Variants in PCDHA4 observed in about 807,000 individuals in gnomAD.
PCDHA4 encodes protocadherin alpha 4.
Under a neutral mutation model 61.4 loss-of-function variants are expected in PCDHA4, and 49 were observed. The observed-to-expected ratio is 0.80, with a 90% CI of 0.63 to 1.01. The LOEUF is 1.01. Ranked by LOEUF, PCDHA4 falls within the 50% of genes least tolerant of loss-of-function variation. The pLI is 0.00. For synonymous variants in PCDHA4, 590 were observed against 550.3 expected, an observed-to-expected ratio of 1.07 and a Z score of -1.01; for missense variants, 1,254 against 1,235.8, an observed-to-expected ratio of 1.01 and a Z score of -0.22.
At chr5:140,842,303 C>T (rs1554138957) in intron 1 of PCDHA4, 2 of 1,608,454 alleles carry the variant, frequency 1.2e-6, no homozygotes, top group Non-Finnish European at 1.7e-6. Context: ...CAAAGGCCAT[C>T]CTCCCATGGC....
intron 1 of PCDHA4, chr5:140,875,357 C>G (rs1173514822): frequency 6.9e-7 from 1 of 1,446,594 alleles, no homozygotes; most frequent in Non-Finnish European, 9.1e-7. Flanking sequence ...GACTGTGATG[C>G]TGGAAAAAAT....
At chr5:140,909,484 G>A (rs981292788) in intron 1 of PCDHA4, among the ~76,000 whole-genome samples, 1 of 152,180 alleles carries the variant, frequency 6.6e-6, no homozygotes, top group African/African-American at 2.4e-5. Context: ...CTAAATAGGA[G>A]AGCTGAACGG....
intron 1 of PCDHA4, chr5:140,876,201 T>C: frequency 1.9e-6 from 3 of 1,613,952 alleles, no homozygotes; most frequent in Non-Finnish European, 1.7e-6. Flanking sequence ...CGGCGTTTGA[T>C]AAGCCCAGCT....
intron 1 of PCDHA4, chr5:140,817,240 A>G (rs1766094783): frequency 2.0e-5 from 3 of 152,290 alleles, no homozygotes; most frequent in Admixed American, 1.3e-4. Flanking sequence ...GGGAGAAGAC[A>G]GGAGCTGGGA....
In PCDHA4 at chr5:140,848,677, C is replaced by A. The variant is rs142354028; in HGVS notation, c.2385+39105C>A. 4.6e-4 allele frequency: 738 copies of A among 1,592,248 alleles called. 63 individuals carry two copies. The East Asian group carries it at 6.0e-3, about 13-fold the overall frequency. ...GGGCTGGAGCTGGCGGAGCTGGTGC[C>A]GCGCCTGTTCCAGTTGGATTCCAAA... On this transcript the variant is annotated intron_variant, in intron 1 of 3. Transcript: ENST00000530339.
At chr5:140,883,577 G>A (rs782633953) in intron 1 of PCDHA4, 3 of 1,614,052 alleles carry the variant, frequency 1.9e-6, no homozygotes, top group Non-Finnish European at 2.5e-6. Context: ...TTCGCTGTGG[G>A]CCACGGCCAG....
At chr5:140,969,004 T>C (rs1554231338) in intron 1 of PCDHA4, 2 of 1,614,060 alleles carry the variant, frequency 1.2e-6, no homozygotes, top group East Asian at 2.2e-5. Flanking sequence ...GAGGCTTCTG[T>C]GGAGTAAGGG....
chr5:140,977,032 A>G (rs1488885995), intron 1 of PCDHA4, among the ~76,000 whole-genome samples: 3 of 152,212 alleles, frequency 2.0e-5, no homozygotes, highest in African/African-American at 7.2e-5. Flanking sequence ...TGAATCTAAG[A>G]AGGATGTTGT....
chr5:140,968,489 C>T (rs1024952304), intron 1 of PCDHA4: 30 of 1,614,008 alleles, frequency 1.9e-5, no homozygotes, highest in Non-Finnish European at 2.5e-5. Context: ...CATGAATGAC[C>T]ATGCCCCTCA....
intron 1 of PCDHA4, among the ~76,000 whole-genome samples, chr5:140,893,419 G>A (rs2063984571): frequency 6.6e-6 from 1 of 152,158 alleles, no homozygotes; most frequent in African/African-American, 2.4e-5. Context: ...TAGGGAGGCA[G>A]AGGCAGGAAG....
Position 140,871,165 on chromosome 5 carries a change from C to A in PCDHA4, c.2385+61593C>A, listed in dbSNP as rs1044550712. 1.4e-5 allele frequency: 22 copies of A among 1,613,372 alleles called. No individual in the cohort carries two copies. Among genetic ancestry groups the A allele is most frequent in the Non-Finnish European group, 1.7e-5 (20 of 1,179,938 alleles). On this transcript the variant is annotated intron_variant, in intron 1 of 3. Transcript: ENST00000530339. ...CCGGACTTTGGCGGGCGCCGCGAGCCCAGAGGCTGCGCTGGTGGATGTCAA... is the reference window on the plus strand; with the variant it reads ...CCGGACTTTGGCGGGCGCCGCGAGCACAGAGGCTGCGCTGGTGGATGTCAA...
rs140846988 is a variant in PCDHA4 at position 140,828,361 on chromosome 5, C to A, written c.2385+18789C>A. The A allele has an allele frequency of 2.3e-4, 364 of 1,614,242 alleles. 1 individual carries two copies. In the African/African-American group the frequency reaches 3.9e-3, roughly 17 times the overall value. ...GCATTTTGTTTGTGAATTCTCGGATCGACCGCGAGGAGCTGTGCGGGCGGA... is the reference window on the plus strand; with the variant it reads ...GCATTTTGTTTGTGAATTCTCGGATAGACCGCGAGGAGCTGTGCGGGCGGA... On this transcript the variant is annotated intron_variant, in intron 1 of 3. Transcript: ENST00000530339.
intron 1 of PCDHA4, chr5:140,855,742 T>C (rs1239874184): frequency 3.2e-6 from 1 of 313,712 alleles, no homozygotes; most frequent in Admixed American, 4.7e-5. Flanking sequence ...AGAGACGTAA[T>C]GTGAGGCTTT....
chr5:140,889,205 A>G (rs573455914), intron 1 of PCDHA4, among the ~76,000 whole-genome samples: 1 of 151,946 alleles, frequency 6.6e-6, no homozygotes, highest in East Asian at 2.0e-4. Context: ...TGAATACTTA[A>G]CAAAGAAGAA....
intron 1 of PCDHA4, chr5:140,822,777 A>C (rs1767430616): frequency 1.2e-6 from 2 of 1,614,096 alleles, no homozygotes; most frequent in Non-Finnish European, 1.7e-6. Flanking sequence ...GACACTGTAA[A>C]GTAGTAGTGA....
intron 1 of PCDHA4, among the ~76,000 whole-genome samples, chr5:140,821,232 A>G (rs182232562): frequency 1.5e-3 from 226 of 152,316 alleles, no homozygotes; most frequent in African/African-American, 5.1e-3. Context: ...TAGAGATGAG[A>G]AAAGTCAAAA....
At chr5:140,869,392 G>A in intron 1 of PCDHA4, 1 of 1,614,164 alleles carries the variant, frequency 6.2e-7, no homozygotes, top group Non-Finnish European at 8.5e-7. Context: ...GGAGCTGTGC[G>A]GGCAGAGCGC....
In PCDHA4 at chr5:140,843,394, G is replaced by T. The variant is rs2150359132; in HGVS notation, c.2385+33822G>T. ...CGGCTGGCGTTTTGGGTCCGGAAGC[G>T]GCGCTGGTGGATGTCAACGTGTACC... is the stretch of plus-strand genomic sequence containing the variant. On this transcript the variant is annotated intron_variant, in intron 1 of 3. Transcript: ENST00000530339. 3 of 1,596,026 alleles carry T rather than the reference G, an allele frequency of 1.9e-6. No individual in the cohort carries two copies. The East Asian group carries it at 6.7e-5, about 36-fold the overall frequency.
At chr5:140,879,141 G>T (rs1413837977) in intron 1 of PCDHA4, among the ~76,000 whole-genome samples, 1 of 152,192 alleles carries the variant, frequency 6.6e-6, no homozygotes, top group Non-Finnish European at 1.5e-5. Flanking sequence ...GATTGTGAAG[G>T]CAGGAAAGCT....
Sources: allele counts gnomAD v4.1 joint callset (sites outside exome capture counted in the v4.1 genomes callset), GRCh38; gene constraint gnomAD v4.1.1; transcripts MANE v1.5; gene names NCBI Gene and HGNC (gene_info 2026-07-23, HGNC 2026-07-21).